PADI3: variants seen among roughly 807,000 people sequenced by gnomAD.
The protein encoded by PADI3 is protein-arginine deiminase type-3.
PADI3 carries 53 observed loss-of-function variants against 71.5 expected under a neutral mutation model. The observed-to-expected ratio is 0.74, with a 90% confidence interval of 0.59 to 0.93. The LOEUF (loss-of-function observed/expected upper bound fraction) is 0.93. PADI3 is among the 40% of genes least tolerant of loss of function. The pLI is 0.00. For missense variants in PADI3, 821 were observed against 868.0 expected (o/e 0.95, Z 0.68); for synonymous variants, 361 against 347.5 (o/e 1.04, Z -0.43).
intron 7 of PADI3, 54 bp from the exon 8 acceptor site, chr1:17,270,825 C>G: frequency 7.8e-7 from 1 of 1,285,822 alleles, no homozygotes; most frequent in Non-Finnish European, 1.1e-6. Flanking sequence ...AGAGTCCCCC[C>G]AGGCCTCTGG....
At chr1:17,270,811 A>T in intron 7 of PADI3, 68 bp from the exon 8 acceptor site, 1 of 1,096,086 alleles carries the variant, frequency 9.1e-7, no homozygotes, top group Non-Finnish European at 1.4e-6. Flanking sequence ...ACAGTGGTGG[A>T]ATCAGAGTCC....
intron 1 of PADI3, among the ~76,000 whole-genome samples, chr1:17,255,798 C>T (rs945663483): frequency 6.6e-5 from 10 of 152,174 alleles, no homozygotes; most frequent in Admixed American, 1.3e-4. Flanking sequence ...TTCCTTTCAT[C>T]TTCTCCTCAT....
rs200386066 is a variant in PADI3 at position 17,276,779 on chromosome 1, C to T, written c.1458C>T (p.Phe486=). The T allele has an allele frequency of 6.2e-6, 10 of 1,613,702 alleles. No individual in the cohort carries two copies. In the Admixed American group the frequency reaches 1.5e-4, roughly 24 times the overall value. Residue 486 remains phenylalanine (F), a synonymous_variant, in exon 13 of 16, where the codon TTC becomes TTT. Transcript: ENST00000375460. Reference sequence around the variant, plus strand: ...AATCTGTTCTCTGCACGCAGGGCTTCCGGATGCTCCTGGCCAGCCCTGGGG... The same window carrying T: ...AATCTGTTCTCTGCACGCAGGGCTTTCGGATGCTCCTGGCCAGCCCTGGGG... The part of the protein sequence containing the change: ...SFVPAPDGKG[F]RMLLASPGAC...
At chr1:17,279,357 C>T (rs2100603411) in intron 13 of PADI3, among the ~76,000 whole-genome samples, 1 of 152,328 alleles carries the variant, frequency 6.6e-6, no homozygotes, top group Middle Eastern at 3.4e-3. Flanking sequence ...AATGGGATGA[C>T]TCTCACCCAC....
chr1:17,268,106 A>G, intron 6 of PADI3, 144 bp downstream of exon 6: 1 of 901,482 alleles, frequency 1.1e-6, no homozygotes, highest in Non-Finnish European at 1.7e-6. Context: ...CGCAGTAAGA[A>G]CAGTCAGAAG....
In PADI3 at chr1:17,280,683, T is replaced by C. The variant is rs758505633; in HGVS notation, c.1648T>C (p.Trp550Arg). ...CCCCTGCCCCCAGAGCTGCATCGACTGGAACCGTGAGGTGCTGAAGCGGGA... is the reference window on the plus strand; with the variant it reads ...CCCCTGCCCCCAGAGCTGCATCGACCGGAACCGTGAGGTGCTGAAGCGGGA... ...YNKFVQSCIDWNREVLKRELG... is the reference protein window; with the variant it reads ...YNKFVQSCIDRNREVLKRELG... The change falls in exon 15 of 16, where the codon TGG (tryptophan) becomes CGG (arginine). Residue 550 changes from tryptophan to arginine, a missense_variant. Transcript: ENST00000375460. The C allele has an allele frequency of 6.2e-7, 1 of 1,614,028 alleles. No homozygotes were observed. The highest frequency in any genetic ancestry group is 8.5e-7 in the Non-Finnish European group (1 of 1,180,024).
At position 17,249,230 on chromosome 1, in the gene PADI3, GT is replaced by G. The variant is rs1214506071; in HGVS notation, c.92+2del. 6.2e-7 allele frequency: 1 copy of G among 1,612,294 alleles called. No individual in the cohort carries two copies. Among genetic ancestry groups the G allele is most frequent in the South Asian group, 1.1e-5 (1 of 91,058 alleles). The stretch of plus-strand genomic sequence containing the variant: ...TGGAGACCCTCGTGGACATTTATGG[GT>G]AAGAGTCAGAGGCCTAGTGGTTTGC... On this transcript the variant is annotated splice_donor_variant, in intron 1 of 15. Coordinates refer to ENST00000375460, the MANE Select transcript of PADI3 (RefSeq NM_016233.2). LOFTEE classifies it high-confidence loss of function.
intron 1 of PADI3, among the ~76,000 whole-genome samples, chr1:17,257,822 C>T (rs1384056085): frequency 6.6e-6 from 1 of 152,032 alleles, no homozygotes. Context: ...CCTCAGTTTC[C>T]CCATGTGTAA....
At position 17,276,856 on chromosome 1, in the gene PADI3, T is replaced by C. The variant is rs1411782422; in HGVS notation, c.1535T>C (p.Leu512Pro). ...EKQKCGHGRA[L>P]LFQGVVDDEQ... The stretch of plus-strand genomic sequence containing the variant: ...CAGAAGTGTGGCCACGGGAGGGCCC[T>C]CCTGTTCCAGGGGGTTGTTGGTGGG... The change falls in exon 13 of 16, where the codon CTC (leucine) becomes CCC (proline). Residue 512 changes from leucine to proline, a missense_variant. By Grantham distance (98) the Leu-to-Pro change is moderately conservative (BLOSUM62 -3). Coordinates refer to ENST00000375460, the MANE Select transcript of PADI3 (RefSeq NM_016233.2). The C allele has an allele frequency of 2.5e-6, 4 of 1,612,650 alleles. No homozygotes were observed. In the Admixed American group the frequency reaches 6.7e-5, roughly 27 times the overall value.
Position 17,274,616 on chromosome 1 carries a change from AC to A in PADI3, c.1156-18del, listed in dbSNP as rs781057106. The A allele has an allele frequency of 1.9e-6, 3 of 1,601,918 alleles. No homozygotes were observed. Reference sequence around the variant, plus strand: ...TCCTGGTACCCTCCACCCCCGCCTGACTTGGTTTCCCTCTCCAGGGTCCAGA... The same window carrying A: ...TCCTGGTACCCTCCACCCCCGCCTGATTGGTTTCCCTCTCCAGGGTCCAGA... On this transcript the variant is annotated intron_variant, in intron 10 of 15. Coordinates refer to ENST00000375460, the MANE Select transcript of PADI3 (RefSeq NM_016233.2).
intron 15 of PADI3, 23 bp downstream of exon 15, chr1:17,280,819 C>T: frequency 1.9e-6 from 3 of 1,611,616 alleles, no homozygotes; most frequent in Non-Finnish European, 2.5e-6. Context: ...CCCATGACTC[C>T]TTTGCCAAAT....
At chr1:17,267,600 G>A (rs938758095) in intron 5 of PADI3, among the ~76,000 whole-genome samples, 1 of 151,958 alleles carries the variant, frequency 6.6e-6, no homozygotes, top group African/African-American at 2.4e-5. Context: ...TTGTGTGTCA[G>A]ACACCAGCTG....
intron 3 of PADI3, 83 bp from the exon 4 acceptor site, chr1:17,265,576 A>C (rs1407711034): frequency 8.2e-7 from 1 of 1,218,714 alleles, no homozygotes; most frequent in Non-Finnish European, 1.2e-6. Context: ...GCCTTTGCTC[A>C]GCCCCAGACA....
At chr1:17,267,555 A>G (rs1346466063) in intron 5 of PADI3, among the ~76,000 whole-genome samples, 2 of 152,190 alleles carry the variant, frequency 1.3e-5, no homozygotes, top group East Asian at 1.9e-4. Context: ...CGACGCCCAC[A>G]TGGCCTTACC....
At chr1:17,280,299 C>A in intron 13 of PADI3, 51 bp from the exon 14 acceptor site, 1 of 1,423,218 alleles carries the variant, frequency 7.0e-7, no homozygotes, top group Non-Finnish European at 9.9e-7. Flanking sequence ...AGCAGGTGGT[C>A]CTCACGTTGG....
intron 1 of PADI3, among the ~76,000 whole-genome samples, chr1:17,251,974 AG>A (rs2100552901): frequency 6.6e-6 from 1 of 152,350 alleles, no homozygotes; most frequent in South Asian, 2.1e-4. Flanking sequence ...GGCACCAATC[AG>A]ACCCTTGAAG....
At chr1:17,252,758 G>A (rs868219041) in intron 1 of PADI3, among the ~76,000 whole-genome samples, 4 of 152,218 alleles carry the variant, frequency 2.6e-5, no homozygotes, top group African/African-American at 9.7e-5. Context: ...CTGGTGGGGA[G>A]GGCCATCCTC....
chr1:17,277,494 T>A (rs139449134), intron 13 of PADI3, among the ~76,000 whole-genome samples: 33 of 152,290 alleles, frequency 2.2e-4, no homozygotes, highest in African/African-American at 7.7e-4. Context: ...CACACCTGGC[T>A]GCCCTGAAAT....
At chr1:17,281,811 C>T (rs1025877822) in intron 15 of PADI3, among the ~76,000 whole-genome samples, 2 of 152,194 alleles carry the variant, frequency 1.3e-5, no homozygotes, top group African/African-American at 2.4e-5. Flanking sequence ...CCCACCCCAG[C>T]GGTCCTGATT....
Sources: gnomAD v4.1 joint callset for allele counts (sites outside exome capture counted in the v4.1 genomes callset) on GRCh38, gnomAD v4.1.1 for gene constraint, MANE v1.5 for transcripts, NCBI Gene and HGNC (gene_info 2026-07-23, HGNC 2026-07-21) for gene names.